Variants in GLT8D2 observed in about 807,000 individuals in gnomAD.
GLT8D2 encodes glycosyltransferase 8 domain-containing protein 2.
A neutral mutation model predicts 44.5 loss-of-function variants in GLT8D2; 45 were observed. The ratio of observed to expected loss-of-function variants is 1.01; its 90% CI spans 0.80 to 1.30. GLT8D2 has a LOEUF of 1.30. Ranked by LOEUF, GLT8D2 falls within the 50% of genes most tolerant of loss-of-function variation. GLT8D2 has a pLI of 0.00. For synonymous variants in GLT8D2, 156 were observed against 157.2 expected (o/e 0.99, Z 0.06); for missense variants, 400 against 430.4 (o/e 0.93, Z 0.62).
chr12:103,994,986 A>G (rs1873231515), intron 8 of GLT8D2, among the ~76,000 whole-genome samples: 3 of 152,206 alleles, frequency 2.0e-5, no homozygotes, highest in Admixed American at 1.3e-4. Flanking sequence ...ACCTGGGGTC[A>G]TTAGGTCCTC....
At chr12:104,056,903 T>G (rs1438053448) in intron 1 of GLT8D2, among the ~76,000 whole-genome samples, 3 of 152,182 alleles carry the variant, frequency 2.0e-5, no homozygotes, top group Non-Finnish European at 4.4e-5. Context: ...TGCCTCTTTA[T>G]CTCCAAGTAA....
At chr12:104,045,961 G>A (rs1439701720) in intron 1 of GLT8D2, among the ~76,000 whole-genome samples, 1 of 149,822 alleles carries the variant, frequency 6.7e-6, no homozygotes, top group Admixed American at 6.7e-5. Flanking sequence ...AAGAAAATAA[G>A]AAAGAAAGAA....
intron 1 of GLT8D2, among the ~76,000 whole-genome samples, chr12:104,035,804 A>G (rs1430423255): frequency 6.6e-6 from 1 of 152,196 alleles, no homozygotes; most frequent in Non-Finnish European, 1.5e-5. Flanking sequence ...ATTCAAATTC[A>G]GGAAATACAG....
Position 103,993,396 on chromosome 12 carries a change from G to A in GLT8D2, c.876C>T (p.His292=). The A allele has an allele frequency of 6.2e-7, 1 of 1,606,694 alleles. No individual in the cohort carries two copies. Among genetic ancestry groups the A allele is most frequent in the East Asian group, 2.2e-5 (1 of 44,858 alleles). The change falls in exon 10 of 11, where the codon CAC becomes CAT. Residue 292 remains histidine (H), a synonymous_variant. Transcript: ENST00000360814. ...STINPLWHIR[H]LGWNPDARYS... ...CAGTTTTTCTGAAATACTTACCCAG[G>A]TGCCTTATGTGCCACAGGGGGTTAA...
chr12:104,054,998 G>C (rs77628214), upstream of GLT8D2, among the ~76,000 whole-genome samples: 1,485 of 152,300 alleles, frequency 9.8e-3, 26 homozygotes, highest in African/African-American at 0.033. Context: ...CACTGTCAGG[G>C]AAACATGGTT....
chr12:104,059,384 G>A (rs930231360), intron 1 of GLT8D2, among the ~76,000 whole-genome samples: 1 of 152,080 alleles, frequency 6.6e-6, no homozygotes, highest in African/African-American at 2.4e-5. Flanking sequence ...TAAGTACTCA[G>A]GAAATTAGGC....
chr12:104,058,262 T>C (rs1464150887), intron 1 of GLT8D2, among the ~76,000 whole-genome samples: 1 of 152,164 alleles, frequency 6.6e-6, no homozygotes, highest in Non-Finnish European at 1.5e-5. Flanking sequence ...GTGTACAGAC[T>C]GTGAGTTGGG....
At chr12:104,054,328 G>A (rs970508229), upstream of GLT8D2, among the ~76,000 whole-genome samples, 31 of 152,058 alleles carry the variant, frequency 2.0e-4, 1 homozygote, top group Admixed American at 2.0e-3. Context: ...CATCCACGTT[G>A]TCAAAAATAG....
At chr12:104,061,809 C>T (rs1479094103) in intron 1 of GLT8D2, among the ~76,000 whole-genome samples, 2 of 151,516 alleles carry the variant, frequency 1.3e-5, no homozygotes, top group African/African-American at 2.4e-5. Context: ...AAACCTCATC[C>T]CTACTAAAAA....
chr12:104,019,419 C>A (rs544952467), intron 3 of GLT8D2, among the ~76,000 whole-genome samples: 1 of 152,060 alleles, frequency 6.6e-6, no homozygotes, highest in Non-Finnish European at 1.5e-5. Context: ...TGAGCCAGTG[C>A]GCCCAGCCGA....
intron 4 of GLT8D2, among the ~76,000 whole-genome samples, chr12:104,004,684 G>T (rs898579156): frequency 3.3e-5 from 5 of 152,118 alleles, no homozygotes; most frequent in Admixed American, 1.3e-4. Flanking sequence ...AGATGTGAAG[G>T]ATCTCTTCAA....
At chr12:104,002,781 A>G (rs1251741573) in intron 5 of GLT8D2, among the ~76,000 whole-genome samples, 1 of 152,048 alleles carries the variant, frequency 6.6e-6, no homozygotes, top group East Asian at 1.9e-4. Flanking sequence ...CGCTCTCCAC[A>G]AAAAAATTAG....
At chr12:104,010,955 G>C (rs575360359) in intron 4 of GLT8D2, among the ~76,000 whole-genome samples, 3 of 152,212 alleles carry the variant, frequency 2.0e-5, no homozygotes, top group Non-Finnish European at 4.4e-5. Flanking sequence ...CAAGGTAAAA[G>C]GAAAGTGTCC....
intron 1 of GLT8D2, among the ~76,000 whole-genome samples, chr12:104,047,034 G>T (rs1275325162): frequency 6.6e-6 from 1 of 152,014 alleles, no homozygotes; most frequent in East Asian, 1.9e-4. Context: ...TTGCTATGTT[G>T]CCTAGTCTGG....
At chr12:103,990,512 A>T (rs1872626816) in intron 10 of GLT8D2, among the ~76,000 whole-genome samples, 1 of 152,168 alleles carries the variant, frequency 6.6e-6, no homozygotes, top group Non-Finnish European at 1.5e-5. Flanking sequence ...GTGAATGTAC[A>T]ATTTTTTAAA....
At chr12:104,012,707 G>A (rs1373199398) in intron 4 of GLT8D2, 5 of 645,956 alleles carry the variant, frequency 7.7e-6, no homozygotes, top group Admixed American at 4.8e-5. Flanking sequence ...TCCAGAGTCC[G>A]TTTGTTAACG....
At chr12:104,015,171 G>T in intron 3 of GLT8D2, 66 bp from the exon 4 acceptor site, 2 of 1,241,308 alleles carry the variant, frequency 1.6e-6, no homozygotes, top group East Asian at 2.4e-5. Flanking sequence ...ACAAAGTTTA[G>T]AATGGTAGTG....
In GLT8D2 at chr12:103,994,416, C is replaced by A; in HGVS notation, c.686G>T (p.Gly229Val). 1.2e-6 allele frequency: 2 copies of A among 1,614,080 alleles called. No homozygotes were observed. The highest frequency in any genetic ancestry group is 1.3e-5 in the African/African-American group (1 of 75,036). Residue 229 changes from glycine (G) to valine (V), a missense_variant, in exon 9 of 11, where the codon GGT becomes GTT. Physicochemically the swap from Gly to Val is moderately radical, Grantham distance 109 (BLOSUM62 -3). Transcript: ENST00000360814. ...TTCTGTCATGTTGGCAACAATCACA[C>A]CAGGATTGAAAGAGCAGGTGCTGGG... Reference protein sequence around the residue: ...ISPSTCSFNPGVIVANMTEWK... With the variant: ...ISPSTCSFNPVVIVANMTEWK...
At chr12:104,016,528 G>A in intron 3 of GLT8D2, among the ~76,000 whole-genome samples, 1 of 151,550 alleles carries the variant, frequency 6.6e-6, no homozygotes, top group Non-Finnish European at 1.5e-5. Flanking sequence ...CAGCTATTCA[G>A]GAGGTTGAGG....
Sources: allele counts gnomAD v4.1 joint callset (sites outside exome capture counted in the v4.1 genomes callset), GRCh38; gene constraint gnomAD v4.1.1; transcripts MANE v1.5; gene names NCBI Gene and HGNC (gene_info 2026-07-23, HGNC 2026-07-21).